The following LAMA3 variants were observed in gnomAD, a reference collection of about 807,000 sequenced individuals.
LAMA3 encodes laminin subunit alpha 3.
In LAMA3, 281 loss-of-function variants were observed where a neutral mutation model predicts 402.0. That is an observed-to-expected ratio of 0.70 (90% CI 0.63 to 0.77). The LOEUF (loss-of-function observed/expected upper bound fraction) is 0.77. LAMA3 is among the 30% of genes least tolerant of loss of function. The probability of loss-of-function intolerance (pLI) is 0.00; values close to 1 mark genes in which losing one functional copy is unlikely to be tolerated. For synonymous variants in LAMA3, 1,431 were observed against 1,558.4 expected (o/e 0.92, Z 1.93); for missense variants, 3,840 against 4,215.5 (o/e 0.91, Z 2.47).
chr18:23,894,915 A>G lies in LAMA3; in HGVS notation c.5470A>G (p.Ser1824Gly), dbSNP rs377514466. 4 of 1,614,066 alleles carry G rather than the reference A, an allele frequency of 2.5e-6. No homozygotes were observed. The African/African-American group carries it at 5.3e-5, about 22-fold the overall frequency. Residue 1824 changes from serine to glycine, a missense_variant, in exon 44 of 75, where the codon AGC becomes GGC. Around this residue, in one of 3 missense-constraint regions of LAMA3, gnomAD observed 891 missense variants for 857.5 expected, o/e 1.04. Transcript: ENST00000313654. ...GATTGTGGCCCCTACAGATTGCGACAGCTGTGTGATGACCCTCCTGAACGA... is the reference window on the plus strand; with the variant it reads ...GATTGTGGCCCCTACAGATTGCGACGGCTGTGTGATGACCCTCCTGAACGA... ...SPAEECDDCD[S>G]CVMTLLNDLA...
rs1039862446 is a variant in LAMA3, at chr18:23,928,157, A to G, written c.8212A>G (p.Met2738Val). Residue 2738 changes from methionine (M) to valine (V), a missense_variant, in exon 63 of 75, where the codon ATG becomes GTG. Transcript: ENST00000313654. ...TTCTACGCCTGCTTTCCGAGGCTGC[A>G]TGAAAAATTTGAAGAAAACCAGTGG... Reference protein sequence around the residue: ...NISTPAFRGCMKNLKKTSGVV... With the variant: ...NISTPAFRGCVKNLKKTSGVV... 5.0e-6 allele frequency: 8 copies of G among 1,613,946 alleles called. No homozygotes were observed. Among genetic ancestry groups the G allele is most frequent in the African/African-American group, 1.3e-5 (1 of 74,936 alleles).
intron 1 of LAMA3, among the ~76,000 whole-genome samples, chr18:23,713,302 T>C (rs1312863668): frequency 3.3e-5 from 5 of 152,210 alleles, no homozygotes; most frequent in Non-Finnish European, 7.3e-5. Flanking sequence ...CTGGTTCCTC[T>C]ACCTGGAATG....
At chr18:23,925,680 T>G (rs778103279) in intron 62 of LAMA3, among the ~76,000 whole-genome samples, 2 of 152,188 alleles carry the variant, frequency 1.3e-5, no homozygotes, top group Non-Finnish European at 2.9e-5. Context: ...CATGCCCCAG[T>G]GCAATCACAT....
chr18:23,692,766 C>T (rs2060616315), intron 1 of LAMA3, among the ~76,000 whole-genome samples: 1 of 151,918 alleles, frequency 6.6e-6, no homozygotes, highest in Non-Finnish European at 1.5e-5. Flanking sequence ...CTGATTTTTA[C>T]CATTTTGATT....
Position 23,914,475 on chromosome 18 carries a change from G to A in LAMA3, c.7395G>A (p.Gly2465=), listed in dbSNP as rs762122584. The change falls in exon 57 of 75, where the codon GGG becomes GGA. Residue 2465 remains glycine (G), a synonymous_variant. Coordinates refer to ENST00000313654, the MANE Select transcript of LAMA3 (RefSeq NM_198129.4). ...DGQLTCVYNL[G]DREAELQVDQ... is the part of the protein sequence containing the mutation. The stretch of plus-strand genomic sequence containing the variant: ...AGCTCACCTGTGTCTACAACCTGGG[G>A]GACCGTGAGGCTGAACTCCAAGTGG... 2 of 1,613,968 alleles carry A rather than the reference G, an allele frequency of 1.2e-6. No homozygotes were observed. Among genetic ancestry groups the A allele is most frequent in the African/African-American group, 2.7e-5 (2 of 74,892 alleles).
intron 41 of LAMA3, among the ~76,000 whole-genome samples, chr18:23,885,756 T>C (rs551250704): frequency 3.2e-4 from 48 of 152,326 alleles, no homozygotes; most frequent in African/African-American, 1.1e-3. Flanking sequence ...ATATTTATTA[T>C]AAAATGATGA....
chr18:23,891,521 T>C (rs1441785268), intron 42 of LAMA3, among the ~76,000 whole-genome samples: 1 of 152,076 alleles, frequency 6.6e-6, no homozygotes, highest in African/African-American at 2.4e-5. Context: ...TATTTTGGGG[T>C]GAAATTCCCT....
At chr18:23,833,779 G>A (rs1298817563) in intron 23 of LAMA3, 49 bp from the exon 24 acceptor site, 12 of 1,607,312 alleles carry the variant, frequency 7.5e-6, no homozygotes, top group African/African-American at 4.0e-5. Context: ...AGTGTGGCCT[G>A]TACATGTCAC....
intron 12 of LAMA3, among the ~76,000 whole-genome samples, chr18:23,803,083 C>T (rs62094790): frequency 2.5e-3 from 385 of 152,290 alleles, no homozygotes; most frequent in South Asian, 4.1e-3. Flanking sequence ...TATGTGGATA[C>T]TATGACAGTA....
At chr18:23,939,925 A>G (rs1297583903) in intron 68 of LAMA3, among the ~76,000 whole-genome samples, 1 of 152,240 alleles carries the variant, frequency 6.6e-6, no homozygotes, top group Admixed American at 6.5e-5. Flanking sequence ...TGAAGGAGCC[A>G]TAGATAAAAA....
intron 41 of LAMA3, among the ~76,000 whole-genome samples, chr18:23,885,185 A>G (rs2091955619): frequency 7.2e-6 from 1 of 138,222 alleles, no homozygotes; most frequent in South Asian, 2.3e-4. Flanking sequence ...TGATCTCTGC[A>G]TACCCCCTAT....
chr18:23,851,062 G>T (rs1158667940), intron 32 of LAMA3, among the ~76,000 whole-genome samples: 3 of 152,206 alleles, frequency 2.0e-5, no homozygotes, highest in Non-Finnish European at 4.4e-5. Flanking sequence ...ACCAGAAAAG[G>T]TCATCGACTT....
intron 11 of LAMA3, among the ~76,000 whole-genome samples, chr18:23,783,395 C>T (rs970061337): frequency 1.3e-5 from 2 of 152,060 alleles, no homozygotes; most frequent in Admixed American, 1.3e-4. Context: ...GTCAGGGGGA[C>T]CTTCTGAGGA....
intron 1 of LAMA3, 21 bp downstream of exon 1, chr18:23,689,998 C>G (rs1225993197): frequency 7.1e-7 from 1 of 1,410,712 alleles, no homozygotes; most frequent in Non-Finnish European, 9.3e-7. Context: ...CGGAGAGAGC[C>G]GGGGTGGGCG....
intron 52 of LAMA3, 99 bp from the exon 53 acceptor site, chr18:23,907,448 ACTC>A: frequency 1.2e-6 from 1 of 850,904 alleles, no homozygotes; most frequent in Non-Finnish European, 2.0e-6. Context: ...AAGCAAGTCT[ACTC>A]AATGCTGTGC....
Position 23,836,996 on chromosome 18 carries a change from T to G in LAMA3, c.3000T>G (p.Ser1000Arg), listed in dbSNP as rs1324506979. The G allele has an allele frequency of 6.2e-7, 1 of 1,613,628 alleles. No individual in the cohort carries two copies. Among genetic ancestry groups the G allele is most frequent in the Non-Finnish European group, 8.5e-7 (1 of 1,179,774 alleles). ...YSCNYSVLCR[S>R]AVIDHMSRIA... ...TCTCTTGCAGTGTTCTCTGCCGGAG[T>G]GCTGTGATTGATCACATGAGCCGCA... Residue 1000 changes from serine (S) to arginine (R), a missense_variant, in exon 25 of 75, where the codon AGT (serine) becomes AGG (arginine). Ser to Arg is a moderately radical substitution (Grantham distance 110). This residue lies in a region of LAMA3 where 2,109 missense variants were observed against 2,376.0 expected (regional missense o/e 0.89). Coordinates refer to ENST00000313654, the MANE Select transcript of LAMA3 (RefSeq NM_198129.4).
chr18:23,834,812 AAAACAAAT>A (rs1001645922), intron 24 of LAMA3: 6 of 152,262 alleles, frequency 3.9e-5, no homozygotes, highest in Admixed American at 1.3e-4. Context: ...TGTGAAAATG[AAAACAAAT>A]AAACAAATAA....
intron 68 of LAMA3, among the ~76,000 whole-genome samples, chr18:23,940,042 G>A (rs1008267055): frequency 1.3e-5 from 2 of 152,148 alleles, no homozygotes; most frequent in Non-Finnish European, 2.9e-5. Context: ...ACCACTTACT[G>A]GCTGGGTGAC....
chr18:23,823,163 A>AT (rs1398342116), intron 20 of LAMA3, among the ~76,000 whole-genome samples: 6 of 152,214 alleles, frequency 3.9e-5, no homozygotes, highest in African/African-American at 1.4e-4. Flanking sequence ...CTGGAGGTTG[A>AT]TTAACCCATT....
Sources: gnomAD v4.1 joint callset for allele counts (sites outside exome capture counted in the v4.1 genomes callset) on GRCh38, gnomAD v4.1.1 for gene constraint, gnomAD v4.1.1 regional missense constraint, MANE v1.5 for transcripts, NCBI Gene and HGNC (gene_info 2026-07-23, HGNC 2026-07-21) for gene names.